MFHAS1: variants seen among roughly 807,000 people sequenced by gnomAD.
MFHAS1 encodes malignant fibrous histiocytoma-amplified sequence 1.
MFHAS1 carries 50 observed loss-of-function variants against 70.4 expected under a neutral mutation model. The observed-to-expected ratio is 0.71, with a 90% CI of 0.57 to 0.90. The LOEUF is 0.90. MFHAS1 is among the 40% of genes least tolerant of loss of function. The pLI, the probability that MFHAS1 is intolerant of heterozygous loss-of-function variation, is 0.00. For missense variants in MFHAS1, 1,795 were observed against 1,347.6 expected, an observed-to-expected ratio of 1.33 and a Z score of -5.20; for synonymous variants, 952 against 620.0, an observed-to-expected ratio of 1.54 and a Z score of -7.96.
intron 2 of MFHAS1, among the ~76,000 whole-genome samples, chr8:8,792,829 A>C (rs994277808): frequency 6.6e-6 from 1 of 152,236 alleles, no homozygotes; most frequent in East Asian, 1.9e-4. Context: ...ACATCAATAA[A>C]GCTTTTAAAA....
intron 1 of MFHAS1, among the ~76,000 whole-genome samples, chr8:8,810,099 G>A (rs941011956): frequency 6.6e-6 from 1 of 152,150 alleles, no homozygotes; most frequent in Admixed American, 6.5e-5. Context: ...GGGCGCAGTG[G>A]CTCGCGCCTG....
chr8:8,857,394 G>T lies in MFHAS1; in HGVS notation c.2998+32667C>A, dbSNP rs568249759. Reference sequence around the variant, plus strand: ...AATTTTTCTACCCTGAAACAAACCTGTGAATTTTCTGGGCTTAGGTCCTTT... The same window carrying T: ...AATTTTTCTACCCTGAAACAAACCTTTGAATTTTCTGGGCTTAGGTCCTTT... On this transcript the variant is annotated intron_variant, in intron 1 of 2. Transcript: ENST00000276282. Among the ~76,000 whole-genome samples the T allele has an allele frequency of 3.3e-5, 5 of 152,210 alleles. No individual in the cohort carries two copies. In the South Asian group the frequency reaches 1.0e-3, roughly 32 times the overall value.
At chr8:8,849,669 T>C (rs948456142) in intron 1 of MFHAS1, among the ~76,000 whole-genome samples, 1 of 152,190 alleles carries the variant, frequency 6.6e-6, no homozygotes, top group African/African-American at 2.4e-5. Flanking sequence ...GCAGTCCAAG[T>C]GGACACTTCA....
At chr8:8,873,692 G>T (rs183369782) in intron 1 of MFHAS1, among the ~76,000 whole-genome samples, 11 of 152,058 alleles carry the variant, frequency 7.2e-5, no homozygotes, top group Non-Finnish European at 1.5e-4. Flanking sequence ...TCGAGAGGAT[G>T]GTTCTAGGAT....
At position 8,851,066 on chromosome 8, in the gene MFHAS1, G is replaced by A. The variant is rs180899802; in HGVS notation, c.2998+38995C>T. ...ACCCAAAAGTCTTACATAGGGTCAC[G>A]TATATAAGCGTGCCTCAAGAGGTTA... On this transcript the variant is annotated intron_variant, in intron 1 of 2. Transcript: ENST00000276282. Among the ~76,000 whole-genome samples, 166 of 152,230 alleles carry A rather than the reference G, an allele frequency of 1.1e-3. 2 individuals carry two copies. Among genetic ancestry groups the A allele is most frequent in the Non-Finnish European group, 2.4e-4 (16 of 68,026 alleles).
intron 2 of MFHAS1, among the ~76,000 whole-genome samples, chr8:8,792,270 C>T (rs1297760717): frequency 2.1e-5 from 2 of 95,930 alleles, no homozygotes; most frequent in Non-Finnish European, 4.5e-5. Flanking sequence ...TTCATACTAA[C>T]ACACCAGCCT....
chr8:8,820,780 C>A (rs983019961), intron 1 of MFHAS1, among the ~76,000 whole-genome samples: 4 of 152,278 alleles, frequency 2.6e-5, no homozygotes, highest in East Asian at 1.9e-4. Context: ...TCTGGCCAGG[C>A]AGTTAAAGGT....
chr8:8,847,907 A>T (rs1382979391), intron 1 of MFHAS1, among the ~76,000 whole-genome samples: 1 of 152,208 alleles, frequency 6.6e-6, no homozygotes, highest in South Asian at 2.1e-4. Flanking sequence ...GTTATGCTTT[A>T]AAAAAAGATT....
intron 1 of MFHAS1, among the ~76,000 whole-genome samples, chr8:8,879,777 T>C (rs111984210): frequency 1.3e-5 from 2 of 152,200 alleles, no homozygotes; most frequent in East Asian, 1.9e-4. Context: ...AGGTATTTTA[T>C]TTTCCTAGAA....
chr8:8,820,803 G>C (rs936482898), intron 1 of MFHAS1, among the ~76,000 whole-genome samples: 2 of 152,224 alleles, frequency 1.3e-5, no homozygotes, highest in African/African-American at 2.4e-5. Context: ...CCTTGACCAA[G>C]TGCGAAGCAT....
chr8:8,872,193 C>T (rs948234266), intron 1 of MFHAS1, among the ~76,000 whole-genome samples: 1 of 152,222 alleles, frequency 6.6e-6, no homozygotes, highest in Non-Finnish European at 1.5e-5. Flanking sequence ...CCACCAGATT[C>T]TTCAAAAGCA....
chr8:8,788,753 G>A (rs1373097725), intron 2 of MFHAS1, among the ~76,000 whole-genome samples: 2 of 152,238 alleles, frequency 1.3e-5, no homozygotes, highest in African/African-American at 2.4e-5. Context: ...GTTACGGGAG[G>A]CTCCCCAGAG....
Position 8,891,054 on chromosome 8 carries a change from G to C in MFHAS1, c.2005C>G (p.Leu669Val), listed in dbSNP as rs546780560. The C allele has an allele frequency of 1.2e-6, 2 of 1,613,660 alleles. No individual in the cohort carries two copies. Among genetic ancestry groups the C allele is most frequent in the South Asian group, 1.1e-5 (1 of 91,028 alleles). Residue 669 changes from leucine to valine, a missense_variant, in exon 1 of 3, where the codon CTG becomes GTG. Physicochemically the swap from Leu to Val is conservative, Grantham distance 32. Coordinates refer to ENST00000276282, the MANE Select transcript of MFHAS1 (RefSeq NM_004225.3). This position sits in a 1 kb window ranked among gnomAD's most constrained non-coding sequence, Gnocchi z 5.4. ...TGGGCCTGAGGTGGCTGGAAATGCA[G>C]TTCCTCCAGCACCTGCCAGGATCGA... ...LPRSWQVLEE[L>V]HFQPPQAQRL...
intron 1 of MFHAS1, among the ~76,000 whole-genome samples, chr8:8,889,680 C>A (rs2116947109): frequency 6.6e-6 from 1 of 152,330 alleles, no homozygotes; most frequent in Admixed American, 6.5e-5. Context: ...TGAGACGTGT[C>A]TAATGAACAC....
intron 1 of MFHAS1, among the ~76,000 whole-genome samples, chr8:8,804,333 T>G (rs1806203783): frequency 6.6e-6 from 1 of 152,216 alleles, no homozygotes; most frequent in Non-Finnish European, 1.5e-5. Context: ...ATTTCCATTT[T>G]CAGGCATTTG....
At chr8:8,800,546 C>T (rs1031612594) in intron 1 of MFHAS1, among the ~76,000 whole-genome samples, 1 of 152,190 alleles carries the variant, frequency 6.6e-6, no homozygotes, top group Non-Finnish European at 1.5e-5. Flanking sequence ...AACCAACCCA[C>T]CCACCATGCA....
intron 1 of MFHAS1, among the ~76,000 whole-genome samples, chr8:8,798,449 C>T (rs771506927): frequency 8.5e-5 from 13 of 152,282 alleles, no homozygotes; most frequent in Middle Eastern, 6.8e-3. Flanking sequence ...CCTCAGACTC[C>T]CAAATAGCTG....
chr8:8,889,311 A>C lies in MFHAS1; in HGVS notation c.2998+750T>G, dbSNP rs61322562. On this transcript the variant is annotated intron_variant, in intron 1 of 2. Coordinates refer to ENST00000276282, the MANE Select transcript of MFHAS1 (RefSeq NM_004225.3). Reference sequence around the variant, plus strand: ...CAAAGATTTCAGTCATCTATCTTCCATGTCCCTGAGTGGGCGGAGGGGAGC... The same window carrying C: ...CAAAGATTTCAGTCATCTATCTTCCCTGTCCCTGAGTGGGCGGAGGGGAGC... Among the ~76,000 whole-genome samples, 887 of 152,260 alleles carry C rather than the reference A, an allele frequency of 5.8e-3. 10 individuals are homozygous for C. The highest frequency in any genetic ancestry group is 0.02 in the African/African-American group (843 of 41,542).
chr8:8,792,560 C>G (rs959974947), intron 2 of MFHAS1, among the ~76,000 whole-genome samples: 2 of 152,142 alleles, frequency 1.3e-5, no homozygotes, highest in African/African-American at 4.8e-5. Context: ...GAGCCAAGAT[C>G]ACGCCACTGC....
Sources: allele counts gnomAD v4.1 joint callset (sites outside exome capture counted in the v4.1 genomes callset), GRCh38; gene constraint gnomAD v4.1.1; non-coding constraint Gnocchi (gnomAD v3.1); transcripts MANE v1.5; gene names NCBI Gene and HGNC (gene_info 2026-07-23, HGNC 2026-07-21).